SYCP2L: variants seen among roughly 807,000 people sequenced by gnomAD.
The protein encoded by SYCP2L is synaptonemal complex protein 2 like, also known as synaptonemal complex protein 2-like.
A neutral mutation model predicts 125.8 loss-of-function variants in SYCP2L; 98 were observed. The observed-to-expected ratio is 0.78, with a 90% CI of 0.66 to 0.92. The LOEUF is 0.92. Among genes scored for constraint, SYCP2L ranks in the 40% least tolerant of loss-of-function variants. SYCP2L has a pLI of 0.00. For synonymous variants in SYCP2L, 317 were observed against 325.4 expected (o/e 0.97, Z 0.28); for missense variants, 842 against 936.4 (o/e 0.90, Z 1.32).
chr6:10,926,077 G>T (rs933222339), intron 15 of SYCP2L, among the ~76,000 whole-genome samples: 1 of 152,142 alleles, frequency 6.6e-6, no homozygotes, highest in East Asian at 1.9e-4. Flanking sequence ...GTAAGACCTG[G>T]GCCAGAGACA....
chr6:10,902,661 GA>G lies in SYCP2L; in HGVS notation c.467-13del. ...CTTCCAAACATAAATTTGATGCTTT[GA>G]AATTATACTTTCAGGGAAAATTCAG... is the stretch of plus-strand genomic sequence containing the variant. On this transcript the variant is annotated splice_polypyrimidine_tract_variant and intron_variant, in intron 6 of 29. Transcript: ENST00000283141. 2 of 1,608,856 alleles carry G rather than the reference GA, an allele frequency of 1.2e-6. No homozygotes were observed. Among genetic ancestry groups the G allele is most frequent in the Non-Finnish European group, 1.7e-6 (2 of 1,176,014 alleles).
chr6:10,929,311 G>A (rs1369278400), intron 18 of SYCP2L, among the ~76,000 whole-genome samples: 1 of 152,144 alleles, frequency 6.6e-6, no homozygotes, highest in African/African-American at 2.4e-5. Flanking sequence ...TAATGTTTGG[G>A]AGTGAGACTT....
At chr6:10,901,387 C>G (rs1018773625) in intron 6 of SYCP2L, among the ~76,000 whole-genome samples, 2 of 152,228 alleles carry the variant, frequency 1.3e-5, no homozygotes, top group Admixed American at 6.5e-5. Context: ...CCCTTACAAT[C>G]CTGTTGCATT....
At chr6:10,930,582 T>C in intron 19 of SYCP2L, 68 bp downstream of exon 19, 1 of 1,516,448 alleles carries the variant, frequency 6.6e-7, no homozygotes, top group Non-Finnish European at 8.9e-7. Context: ...TATTTATTTT[T>C]CAGTATATAA....
At chr6:10,926,771 G>C (rs1421044965) in intron 16 of SYCP2L, among the ~76,000 whole-genome samples, 4 of 146,942 alleles carry the variant, frequency 2.7e-5, no homozygotes, top group Admixed American at 7.3e-5. Context: ...AGTGCCCATA[G>C]ATTTCTTTTC....
chr6:10,907,810 G>T (rs2113312456), intron 10 of SYCP2L, 126 bp downstream of exon 10: 3 of 834,606 alleles, frequency 3.6e-6, no homozygotes, highest in Non-Finnish European at 5.4e-6. Context: ...TGCCATTCTT[G>T]AACTTGTTTC....
rs1392117292 is a variant in SYCP2L at position 10,912,934 on chromosome 6, T to A, written c.1072+7T>A. ...ATGAATTTCAGCATAACAGGTAATA[T>A]GATACATTTAAACAACCCACGTCCA... On this transcript the variant is annotated splice_region_variant and intron_variant, in intron 14 of 29. Transcript: ENST00000283141. The surrounding 1 kb of genome is among the most constrained non-coding windows in gnomAD (Gnocchi z 4.1). The A allele has an allele frequency of 6.2e-7, 1 of 1,612,812 alleles. No individual in the cohort carries two copies. The highest frequency in any genetic ancestry group is 1.3e-5 in the African/African-American group (1 of 74,924).
At chr6:10,891,653 GTGTGTGTGTGTA>G (rs1780177320) in intron 2 of SYCP2L, 72 bp downstream of exon 2, 33 of 809,778 alleles carry the variant, frequency 4.1e-5, no homozygotes, top group South Asian at 9.3e-5. Flanking sequence ...GTGTGTGTGT[GTGTGTGTGTGTA>G]TGTGTATATG....
At chr6:10,907,133 C>T (rs999669920) in intron 9 of SYCP2L, among the ~76,000 whole-genome samples, 3 of 151,984 alleles carry the variant, frequency 2.0e-5, no homozygotes, top group Non-Finnish European at 4.4e-5. Flanking sequence ...TGCTTGAACC[C>T]AGAAGTTCAA....
chr6:10,947,046 ATC>A (rs1738405900), intron 23 of SYCP2L, among the ~76,000 whole-genome samples: 1 of 151,730 alleles, frequency 6.6e-6, no homozygotes, highest in Non-Finnish European at 1.5e-5. Flanking sequence ...AGATAATTTC[ATC>A]TGTTTTTCAC....
intron 2 of SYCP2L, among the ~76,000 whole-genome samples, chr6:10,891,929 G>A (rs1780182162): frequency 6.6e-6 from 1 of 152,214 alleles, no homozygotes; most frequent in Non-Finnish European, 1.5e-5. Flanking sequence ...AACAACGTCT[G>A]CCTTTATGGA....
At chr6:10,950,544 G>A (rs1302523502) in intron 23 of SYCP2L, among the ~76,000 whole-genome samples, 1 of 152,026 alleles carries the variant, frequency 6.6e-6, no homozygotes, top group Non-Finnish European at 1.5e-5. Flanking sequence ...TTCATTAGAG[G>A]ATTTATGTTT....
intron 1 of SYCP2L, 79 bp from the exon 2 acceptor site, chr6:10,891,434 T>C: frequency 1.1e-6 from 1 of 879,530 alleles, no homozygotes. Context: ...TTTTTTTTTT[T>C]TTTTGCTTTG....
intron 14 of SYCP2L, among the ~76,000 whole-genome samples, chr6:10,922,284 T>C (rs568628396): frequency 1.3e-5 from 2 of 152,296 alleles, no homozygotes; most frequent in East Asian, 1.9e-4. Context: ...TCCATTCTTA[T>C]AGCCAAAGAA....
rs376979970 is a variant in SYCP2L, at chr6:10,906,068, G to A, written c.676+14G>A. 15 of 1,552,998 alleles carry A rather than the reference G, an allele frequency of 9.7e-6. No homozygotes were observed. The highest frequency in any genetic ancestry group is 4.1e-5 in the African/African-American group (3 of 73,906). On this transcript the variant is annotated intron_variant, in intron 9 of 29. Coordinates refer to ENST00000283141, the MANE Select transcript of SYCP2L (RefSeq NM_001040274.3). ...TGACTGTGGGTGGTAAGAAATTTTA[G>A]AATTTTCAGTATTAGAATATTAAAT...
chr6:10,935,170 A>T lies in SYCP2L; in HGVS notation c.1796A>T (p.Asp599Val), dbSNP rs964982495. 6.2e-7 allele frequency: 1 copy of T among 1,612,446 alleles called. No homozygotes were observed. Among genetic ancestry groups the T allele is most frequent in the African/African-American group, 1.3e-5 (1 of 74,920 alleles). ...QDSFAFLTAE[D>V]SAQKTELQDP... ...AGTTTTGCTTTTTTGACTGCTGAAG[A>T]TTCTGCCCAGAAAACAGGTACATGA... Residue 599 changes from aspartate to valine, a missense_variant, in exon 21 of 30, where the codon GAT (aspartate) becomes GTT (valine). By Grantham distance (152) the Asp-to-Val change is radical. Transcript: ENST00000283141.
chr6:10,958,381 G>C (rs151289345), intron 25 of SYCP2L, among the ~76,000 whole-genome samples: 1,634 of 152,142 alleles, frequency 0.011, 15 homozygotes, highest in Non-Finnish European at 0.017. Context: ...AAGGGGCGGG[G>C]AGGTGCCACA....
chr6:10,906,890 C>T (rs1002249574), intron 9 of SYCP2L, among the ~76,000 whole-genome samples: 21 of 151,526 alleles, frequency 1.4e-4, no homozygotes, highest in Non-Finnish European at 2.4e-4. Context: ...TGAGCCACCA[C>T]GCCTGGCCAG....
intron 14 of SYCP2L, among the ~76,000 whole-genome samples, chr6:10,916,808 G>T (rs1780702264): frequency 6.6e-6 from 1 of 152,108 alleles, no homozygotes; most frequent in Admixed American, 6.5e-5. Flanking sequence ...TGGTCAACAT[G>T]GTGAAACCCT....
Sources: allele counts gnomAD v4.1 joint callset (sites outside exome capture counted in the v4.1 genomes callset), GRCh38; gene constraint gnomAD v4.1.1; non-coding constraint Gnocchi (gnomAD v3.1); transcripts MANE v1.5; gene names NCBI Gene and HGNC (gene_info 2026-07-23, HGNC 2026-07-21).